PAM: variants seen among roughly 807,000 people sequenced by gnomAD.
PAM encodes peptidylglycine alpha-amidating monooxygenase.
A neutral mutation model predicts 122.1 loss-of-function variants in PAM; 72 were observed. The ratio of observed to expected loss-of-function variants is 0.59; its 90% CI spans 0.49 to 0.72. The LOEUF (loss-of-function observed/expected upper bound fraction) is 0.72, where lower values mean the gene tolerates loss of function less well. Ranked by LOEUF, PAM falls within the 30% of genes least tolerant of loss-of-function variation. PAM has a pLI of 0.00. For synonymous variants in PAM, 389 were observed against 404.4 expected (o/e 0.96, Z 0.46); for missense variants, 1,106 against 1,183.7 (o/e 0.93, Z 0.96).
chr5:103,025,499 T>A, intron 24 of PAM, 165 bp downstream of exon 24: 1 of 660,342 alleles, frequency 1.5e-6, no homozygotes, highest in Admixed American at 2.4e-5. Context: ...ATATTGCCCC[T>A]AGTTAATATC....
intron 3 of PAM, among the ~76,000 whole-genome samples, chr5:102,900,515 TG>T (rs1190041538): frequency 6.6e-6 from 1 of 151,626 alleles, no homozygotes; most frequent in Non-Finnish European, 1.5e-5. Flanking sequence ...CACAATTTTT[TG>T]GTGCTAATTG....
intron 15 of PAM, among the ~76,000 whole-genome samples, chr5:102,985,107 A>G (rs1239508473): frequency 6.6e-6 from 1 of 152,130 alleles, no homozygotes; most frequent in African/African-American, 2.4e-5. Context: ...AGTTTGTAGC[A>G]GTAAATACCT....
At chr5:102,969,384 G>T (rs1765134843) in intron 14 of PAM, among the ~76,000 whole-genome samples, 1 of 152,066 alleles carries the variant, frequency 6.6e-6, no homozygotes, top group East Asian at 1.9e-4. Context: ...GGTGGGTAGG[G>T]TGCCATCAAT....
At position 102,913,971 on chromosome 5, in the gene PAM, T is replaced by C; in HGVS notation, c.306T>C (p.His102=). 6.2e-7 allele frequency: 1 copy of C among 1,608,604 alleles called. No homozygotes were observed. ...CTCGAGCCAGCATGGATACTGTCCA[T>C]CACATGTTACTTTTTGGATGCAATA... ...FKPRASMDTV[H]HMLLFGCNMP... The change falls in exon 5 of 26, where the codon CAT becomes CAC. Residue 102 remains histidine (H), a synonymous_variant. Transcript: ENST00000438793.
intron 1 of PAM, among the ~76,000 whole-genome samples, chr5:102,815,466 A>C (rs185475508): frequency 1.7e-4 from 26 of 152,316 alleles, no homozygotes; most frequent in African/African-American, 6.0e-4. Flanking sequence ...TTACTAGTTT[A>C]TCCTTTTCAG....
At chr5:103,003,955 CA>C (rs35343295) in intron 17 of PAM, among the ~76,000 whole-genome samples, 3,179 of 127,474 alleles carry the variant, frequency 0.025, 64 homozygotes, top group Admixed American at 0.075. Flanking sequence ...ACTTGGCAGC[CA>C]AAAAAAAAAA....
chr5:102,964,769 G>A (rs531026109), intron 14 of PAM, among the ~76,000 whole-genome samples: 31 of 151,652 alleles, frequency 2.0e-4, no homozygotes, highest in African/African-American at 7.2e-4. Context: ...TAATTATAAT[G>A]TATACACAAT....
chr5:103,016,571 A>G (rs568175252), intron 21 of PAM, among the ~76,000 whole-genome samples: 2 of 152,330 alleles, frequency 1.3e-5, no homozygotes, highest in East Asian at 3.9e-4. Context: ...TGATCCCCAA[A>G]AGAAAGTCAC....
intron 3 of PAM, 33 bp downstream of exon 3, chr5:102,867,426 G>A (rs1005988460): frequency 3.2e-6 from 5 of 1,546,982 alleles, no homozygotes; most frequent in Non-Finnish European, 4.5e-6. Context: ...TTATTCACTT[G>A]TTCTGGATAC....
chr5:102,923,987 G>T (rs1366287350), intron 5 of PAM, among the ~76,000 whole-genome samples: 4 of 152,178 alleles, frequency 2.6e-5, no homozygotes, highest in Non-Finnish European at 5.9e-5. Flanking sequence ...TGATGTAAGT[G>T]TACTTATCCC....
intron 7 of PAM, among the ~76,000 whole-genome samples, chr5:102,941,187 G>A (rs560512869): frequency 1.1e-4 from 16 of 152,194 alleles, no homozygotes; most frequent in Non-Finnish European, 2.1e-4. Context: ...TATAAAAGCA[G>A]GTTGGAGAGC....
At chr5:102,775,087 T>C (rs1756808313) in intron 1 of PAM, among the ~76,000 whole-genome samples, 1 of 152,078 alleles carries the variant, frequency 6.6e-6, no homozygotes. Context: ...ATGTATTTTT[T>C]CCATGGATTT....
rs755006071 is a variant in PAM, at chr5:103,003,063, A to C, written c.1644A>C (p.Gln548His). 3.1e-6 allele frequency: 5 copies of C among 1,603,178 alleles called. No homozygotes were observed. The highest frequency in any genetic ancestry group is 2.7e-5 in the African/African-American group (2 of 74,854). Reference protein sequence around the residue: ...NSFDSKFVYQQIGLGPIEEDT... With the variant: ...NSFDSKFVYQHIGLGPIEEDT... ...TTGACAGCAAGTTTGTTTACCAGCA[A>C]ATAGGACTCGGACCAATTGAAGAAG... Residue 548 changes from glutamine to histidine, a missense_variant, in exon 17 of 26, where the codon CAA becomes CAC. Coordinates refer to ENST00000438793, the MANE Select transcript of PAM (RefSeq NM_001177306.2).
At chr5:102,979,297 T>C (rs1270099323) in intron 15 of PAM, among the ~76,000 whole-genome samples, 1 of 152,194 alleles carries the variant, frequency 6.6e-6, no homozygotes, top group Non-Finnish European at 1.5e-5. Context: ...ATTTATATGG[T>C]AAATCTCTTC....
At chr5:103,000,462 T>C (rs1251814001) in intron 16 of PAM, among the ~76,000 whole-genome samples, 1 of 152,212 alleles carries the variant, frequency 6.6e-6, no homozygotes, top group Non-Finnish European at 1.5e-5. Context: ...CAAATTGTTC[T>C]AACTTCTGCC....
chr5:103,019,955 A>C (rs1413368163), intron 23 of PAM, 112 bp downstream of exon 23: 1 of 769,722 alleles, frequency 1.3e-6, no homozygotes, highest in East Asian at 2.5e-5. Flanking sequence ...TAATCTGGTA[A>C]ATTATCAGTG....
At position 102,990,337 on chromosome 5, in the gene PAM, G is replaced by A; in HGVS notation, c.1549G>A (p.Val517Met). Residue 517 changes from valine to methionine, a missense_variant, in exon 16 of 26, where the codon GTG becomes ATG. Physicochemically the swap from Val to Met is conservative, Grantham distance 21 (BLOSUM62 1). Around this residue, in one of 3 missense-constraint regions of PAM, gnomAD observed 670 missense variants for 690.3 expected, o/e 0.97. Coordinates refer to ENST00000438793, the MANE Select transcript of PAM (RefSeq NM_001177306.2). ...CTTGTTACCAGGCCAGGTTTCTGGG[G>A]TGGCTCTAGACCCTAAGAATAACCT... ...VYLLPGQVSG[V>M]ALDPKNNLVI... The A allele has an allele frequency of 6.2e-7, 1 of 1,609,534 alleles. No individual in the cohort carries two copies. Among genetic ancestry groups the A allele is most frequent in the South Asian group, 1.1e-5 (1 of 90,530 alleles).
intron 1 of PAM, among the ~76,000 whole-genome samples, chr5:102,784,516 C>T (rs1205739590): frequency 2.0e-5 from 3 of 152,194 alleles, no homozygotes; most frequent in African/African-American, 7.2e-5. Context: ...TATTCATTAC[C>T]TTAAACTCTG....
At chr5:102,851,777 T>C (rs1438027803) in intron 1 of PAM, among the ~76,000 whole-genome samples, 1 of 152,236 alleles carries the variant, frequency 6.6e-6, no homozygotes, top group Non-Finnish European at 1.5e-5. Flanking sequence ...GGCATGTTAG[T>C]GCTATGTTAT....
Sources: gnomAD v4.1 joint callset for allele counts (sites outside exome capture counted in the v4.1 genomes callset) on GRCh38, gnomAD v4.1.1 for gene constraint, gnomAD v4.1.1 regional missense constraint, MANE v1.5 for transcripts, NCBI Gene and HGNC (gene_info 2026-07-23, HGNC 2026-07-21) for gene names.